The following CACNA2D1 variants were observed in gnomAD, a reference collection of about 807,000 sequenced individuals.
The protein encoded by CACNA2D1 is calcium voltage-gated channel auxiliary subunit alpha2delta 1, also known as voltage-dependent calcium channel subunit alpha-2/delta-1.
A neutral mutation model predicts 171.5 loss-of-function variants in CACNA2D1; 53 were observed. The ratio of observed to expected loss-of-function variants is 0.31; its 90% CI spans 0.25 to 0.39. The LOEUF is 0.39. CACNA2D1 is among the 10% of genes least tolerant of loss of function. The probability of loss-of-function intolerance (pLI) is 1.00; values close to 1 mark genes in which losing one functional copy is unlikely to be tolerated. For missense variants in CACNA2D1, 903 were observed against 1,299.8 expected, an observed-to-expected ratio of 0.69 and a Z score of 4.69; for synonymous variants, 442 against 443.1, an observed-to-expected ratio of 1.00 and a Z score of 0.03.
intron 3 of CACNA2D1, among the ~76,000 whole-genome samples, chr7:82,324,907 G>A (rs374421163): frequency 5.3e-4 from 81 of 152,242 alleles, no homozygotes; most frequent in Non-Finnish European, 7.5e-4. Context: ...GCCAAGGTGC[G>A]TGGACAAATG....
intron 24 of CACNA2D1, among the ~76,000 whole-genome samples, chr7:81,980,501 G>C (rs1796340600): frequency 6.6e-6 from 1 of 152,176 alleles, no homozygotes; most frequent in South Asian, 2.1e-4. Flanking sequence ...CCAGGACTTG[G>C]TGGAAGAGCA....
chr7:82,315,966 T>G (rs906479705), intron 3 of CACNA2D1, among the ~76,000 whole-genome samples: 39 of 146,716 alleles, frequency 2.7e-4, no homozygotes, highest in Non-Finnish European at 4.7e-4. Flanking sequence ...TCACCAGGTG[T>G]TTTTTTTTTA....
At position 82,044,474 on chromosome 7, in the gene CACNA2D1, T is replaced by C. The variant is rs1373388046; in HGVS notation, c.880-6239A>G. On this transcript the variant is annotated intron_variant, in intron 10 of 38. Transcript: ENST00000356860. ...ATGTAATCATCAGCAAAAATAATAA[T>C]TCAAATCCAGACCTGACTGCTTTGG... is the stretch of plus-strand genomic sequence containing the variant. Among the ~76,000 whole-genome samples the C allele has an allele frequency of 1.8e-4, 27 of 152,176 alleles. 1 individual carries two copies. Among genetic ancestry groups the C allele is most frequent in the Non-Finnish European group, 3.4e-4 (23 of 68,028 alleles).
intron 2 of CACNA2D1, among the ~76,000 whole-genome samples, chr7:82,342,124 CT>C (rs1287015591): frequency 6.7e-6 from 1 of 149,590 alleles, no homozygotes; most frequent in African/African-American, 2.5e-5. Flanking sequence ...AAATTATGGC[CT>C]TTTTTTTCTT....
chr7:82,083,417 T>G (rs1172814289), intron 7 of CACNA2D1, among the ~76,000 whole-genome samples: 1 of 151,762 alleles, frequency 6.6e-6, no homozygotes, highest in Non-Finnish European at 1.5e-5. Flanking sequence ...TCTTTTTCCT[T>G]TATGTTGTCT....
At chr7:81,973,977 CTT>C (rs768003541) in intron 25 of CACNA2D1, among the ~76,000 whole-genome samples, 1 of 151,862 alleles carries the variant, frequency 6.6e-6, no homozygotes, top group East Asian at 1.9e-4. Context: ...ATAAAGTTAA[CTT>C]GTGATCAAAA....
intron 3 of CACNA2D1, among the ~76,000 whole-genome samples, chr7:82,184,563 C>A (rs1375652863): frequency 6.6e-6 from 1 of 152,038 alleles, no homozygotes; most frequent in Non-Finnish European, 1.5e-5. Context: ...ATCAAAGATT[C>A]TTTCAATAAT....
intron 1 of CACNA2D1, among the ~76,000 whole-genome samples, chr7:82,384,040 A>C (rs767783828): frequency 1.3e-5 from 2 of 152,244 alleles, no homozygotes; most frequent in Non-Finnish European, 2.9e-5. Flanking sequence ...TGTTGAAAAT[A>C]AGAAATTGTG....
At chr7:82,435,341 T>C (rs899683835) in intron 1 of CACNA2D1, among the ~76,000 whole-genome samples, 1 of 152,032 alleles carries the variant, frequency 6.6e-6, no homozygotes, top group African/African-American at 2.4e-5. Flanking sequence ...CCGGCCCAGA[T>C]ACATATTTCT....
chr7:82,343,875 T>C (rs1585581839), intron 2 of CACNA2D1, among the ~76,000 whole-genome samples: 1 of 152,296 alleles, frequency 6.6e-6, no homozygotes, highest in South Asian at 2.1e-4. Context: ...CCTAAATATA[T>C]TTCACTGCCA....
At chr7:82,363,558 C>A (rs2129447475) in intron 1 of CACNA2D1, among the ~76,000 whole-genome samples, 1 of 152,172 alleles carries the variant, frequency 6.6e-6, no homozygotes, top group Middle Eastern at 3.4e-3. Context: ...AGCCACCACG[C>A]CCCGCCTGTT....
intron 1 of CACNA2D1, among the ~76,000 whole-genome samples, chr7:82,396,679 T>G (rs902375825): frequency 1.3e-5 from 2 of 152,216 alleles, no homozygotes; most frequent in Non-Finnish European, 2.9e-5. Flanking sequence ...GAAGCTTGAC[T>G]TTCCTGGCAG....
chr7:82,111,840 ATAT>A (rs1414055767), intron 6 of CACNA2D1, among the ~76,000 whole-genome samples: 1 of 152,122 alleles, frequency 6.6e-6, no homozygotes, highest in African/African-American at 2.4e-5. Context: ...AATATAATCC[ATAT>A]TATTTTGTTA....
intron 3 of CACNA2D1, among the ~76,000 whole-genome samples, chr7:82,332,387 C>T (rs1014676945): frequency 6.6e-6 from 1 of 152,074 alleles, no homozygotes. Context: ...ATGTTTCAAC[C>T]TCTAGCAACA....
intron 1 of CACNA2D1, among the ~76,000 whole-genome samples, chr7:82,427,340 A>G (rs1829286757): frequency 6.6e-6 from 1 of 152,234 alleles, no homozygotes; most frequent in Admixed American, 6.5e-5. Flanking sequence ...GTACCAAGAA[A>G]GATCTAATTT....
chr7:82,011,840 CT>C (rs369711318), intron 15 of CACNA2D1, among the ~76,000 whole-genome samples: 8 of 151,264 alleles, frequency 5.3e-5, no homozygotes, highest in East Asian at 3.9e-4. Flanking sequence ...AGACTTTCAT[CT>C]TTTTTTTTAC....
At chr7:82,111,397 TA>T (rs1788394101) in intron 6 of CACNA2D1, among the ~76,000 whole-genome samples, 1 of 93,486 alleles carries the variant, frequency 1.1e-5, no homozygotes, top group Non-Finnish European at 2.3e-5. Flanking sequence ...TATATATGTA[TA>T]TATATATTCA....
At chr7:82,301,528 A>T (rs1160146362) in intron 3 of CACNA2D1, among the ~76,000 whole-genome samples, 1 of 152,110 alleles carries the variant, frequency 6.6e-6, no homozygotes, top group Non-Finnish European at 1.5e-5. Flanking sequence ...ACAAAATGTA[A>T]ATGTTGCCCT....
chr7:82,050,488 G>A (rs1805067881), intron 10 of CACNA2D1: 2 of 676,570 alleles, frequency 3.0e-6, no homozygotes, highest in East Asian at 5.4e-5. Context: ...TTCCAGCCAG[G>A]AGTCCCAAGA....
Sources: allele counts gnomAD v4.1 joint callset (sites outside exome capture counted in the v4.1 genomes callset), GRCh38; gene constraint gnomAD v4.1.1; transcripts MANE v1.5; gene names NCBI Gene and HGNC (gene_info 2026-07-23, HGNC 2026-07-21).